The following GABRG3 variants were observed in gnomAD, a reference collection of about 807,000 sequenced individuals.
The protein encoded by GABRG3 is gamma-aminobutyric acid type A receptor subunit gamma3.
Under a neutral mutation model 48.8 loss-of-function variants are expected in GABRG3, and 25 were observed. That is an observed-to-expected ratio of 0.51 (90% CI 0.37 to 0.72). The LOEUF is 0.72. Ranked by LOEUF, GABRG3 falls within the 30% of genes least tolerant of loss-of-function variation. The pLI is 0.00. For synonymous variants in GABRG3, 227 were observed against 217.6 expected (o/e 1.04, Z -0.38); for missense variants, 394 against 577.9 (o/e 0.68, Z 3.26).
chr15:27,208,373 TTGATGCCCAGGTAGG>T (rs1888942857), intron 3 of GABRG3: 1 of 229,108 alleles, frequency 4.4e-6, no homozygotes, highest in Admixed American at 4.2e-5. Context: ...TTCATTGGCC[TTGATGCCCAGGTAGG>T]TGATGCCAGA....
chr15:27,436,411 C>A (rs1435097218), intron 5 of GABRG3, among the ~76,000 whole-genome samples: 1 of 152,128 alleles, frequency 6.6e-6, no homozygotes, highest in African/African-American at 2.4e-5. Context: ...ACATTCAGTC[C>A]ATGGCAAATG....
intron 3 of GABRG3, among the ~76,000 whole-genome samples, chr15:27,309,231 CAT>C (rs574715727): frequency 2.1e-4 from 31 of 150,156 alleles, no homozygotes; most frequent in South Asian, 1.9e-3. Context: ...ATAATGTAAA[CAT>C]ATATTTATAT....
intron 3 of GABRG3, among the ~76,000 whole-genome samples, chr15:27,133,198 C>T (rs1247053823): frequency 6.6e-6 from 1 of 151,984 alleles, no homozygotes; most frequent in Non-Finnish European, 1.5e-5. Context: ...ATATGATCAT[C>T]CTTCCATCTT....
intron 9 of GABRG3, among the ~76,000 whole-genome samples, chr15:27,529,031 T>C (rs1361263552): frequency 1.3e-5 from 2 of 152,184 alleles, no homozygotes; most frequent in Non-Finnish European, 2.9e-5. Context: ...TTCTGCTTCT[T>C]GTGTTCTGCT....
chr15:27,485,658 T>A (rs146945368), intron 6 of GABRG3, among the ~76,000 whole-genome samples: 3 of 152,256 alleles, frequency 2.0e-5, no homozygotes, highest in African/African-American at 7.2e-5. Context: ...GGATAATAAA[T>A]TTTTTTATTA....
At chr15:27,308,857 CAT>C (rs375235076) in intron 3 of GABRG3, among the ~76,000 whole-genome samples, 227 of 149,792 alleles carry the variant, frequency 1.5e-3, no homozygotes, top group East Asian at 5.1e-3. Flanking sequence ...AGAATGTAAA[CAT>C]ATATGTTTTT....
intron 5 of GABRG3, among the ~76,000 whole-genome samples, chr15:27,370,289 A>G (rs1895365676): frequency 6.6e-6 from 1 of 152,218 alleles, no homozygotes; most frequent in Admixed American, 6.5e-5. Context: ...AAGGGAATCT[A>G]AGGAGGATAG....
intron 3 of GABRG3, among the ~76,000 whole-genome samples, chr15:27,107,084 ATATTCT>A (rs901498650): frequency 2.1e-4 from 32 of 152,200 alleles, no homozygotes; most frequent in Admixed American, 2.0e-3. Flanking sequence ...CATCCTCGCC[ATATTCT>A]TAGTCTTAGG....
At chr15:27,248,799 CACACAGAG>C (rs1480130991) in intron 3 of GABRG3, among the ~76,000 whole-genome samples, 17 of 115,506 alleles carry the variant, frequency 1.5e-4, no homozygotes, top group African/African-American at 2.0e-4. Flanking sequence ...CACACACACA[CACACAGAG>C]AGAGAGAGAG....
intron 3 of GABRG3, among the ~76,000 whole-genome samples, chr15:27,274,287 G>A (rs1278994897): frequency 6.6e-6 from 1 of 152,172 alleles, no homozygotes; most frequent in African/African-American, 2.4e-5. Flanking sequence ...TAGTGTTGCT[G>A]TAACACGACA....
chr15:27,445,701 A>G (rs1433667154), intron 5 of GABRG3, among the ~76,000 whole-genome samples: 7 of 152,082 alleles, frequency 4.6e-5, no homozygotes, highest in Non-Finnish European at 8.8e-5. Context: ...GTGTATTTTT[A>G]TATTTATATC....
intron 3 of GABRG3, among the ~76,000 whole-genome samples, chr15:27,129,994 C>T (rs977377837): frequency 6.6e-6 from 1 of 152,084 alleles, no homozygotes; most frequent in African/African-American, 2.4e-5. Context: ...TATTGTCTCA[C>T]ATGCTATATG....
intron 3 of GABRG3, among the ~76,000 whole-genome samples, chr15:27,032,072 T>G (rs1357295189): frequency 6.6e-6 from 1 of 152,200 alleles, no homozygotes; most frequent in African/African-American, 2.4e-5. Flanking sequence ...TCCCACTTGC[T>G]TTTATGCTTG....
At chr15:27,276,631 T>G (rs1891263157) in intron 3 of GABRG3, among the ~76,000 whole-genome samples, 1 of 147,494 alleles carries the variant, frequency 6.8e-6, no homozygotes, top group African/African-American at 2.5e-5. Context: ...AATGATTAGC[T>G]TTTTTTTTTA....
intron 5 of GABRG3, among the ~76,000 whole-genome samples, chr15:27,423,431 T>C (rs1888191386): frequency 6.6e-6 from 1 of 151,924 alleles, no homozygotes; most frequent in Admixed American, 6.6e-5. Flanking sequence ...AGTTCCTATA[T>C]GTAGGGAAAG....
chr15:27,252,584 C>T (rs1425915047), intron 3 of GABRG3, among the ~76,000 whole-genome samples: 1 of 152,220 alleles, frequency 6.6e-6, no homozygotes, highest in East Asian at 1.9e-4. Flanking sequence ...CTACAGCTTC[C>T]TTAAACCTCA....
chr15:27,013,333 T>A (rs1895722667), intron 2 of GABRG3, among the ~76,000 whole-genome samples: 1 of 152,122 alleles, frequency 6.6e-6, no homozygotes, highest in Admixed American at 6.5e-5. Flanking sequence ...TTCTGTTCCT[T>A]CTACGTCTTG....
intron 3 of GABRG3, among the ~76,000 whole-genome samples, chr15:27,175,240 C>A (rs1022957160): frequency 6.6e-6 from 1 of 152,302 alleles, no homozygotes; most frequent in East Asian, 1.9e-4. Context: ...ACTCCCCCAG[C>A]CTTGTCACCA....
chr15:27,026,160 G>C (rs1895979259), intron 2 of GABRG3, among the ~76,000 whole-genome samples: 1 of 152,206 alleles, frequency 6.6e-6, no homozygotes, highest in African/African-American at 2.4e-5. Context: ...ATTGTGTTTT[G>C]AGTTGGATTT....
Sources: gnomAD v4.1 joint callset for allele counts (sites outside exome capture counted in the v4.1 genomes callset) on GRCh38, gnomAD v4.1.1 for gene constraint, MANE v1.5 for transcripts, NCBI Gene and HGNC (gene_info 2026-07-23, HGNC 2026-07-21) for gene names.